The following SULT1E1 variants were observed in gnomAD, a reference collection of about 807,000 sequenced individuals.
SULT1E1 encodes the protein sulfotransferase family 1E member 1.
In SULT1E1, 36 loss-of-function variants were observed where a neutral mutation model predicts 33.6. The observed-to-expected ratio is 1.07, with a 90% CI of 0.82 to 1.41. The LOEUF (loss-of-function observed/expected upper bound fraction) is 1.41, where lower values mean the gene tolerates loss of function less well. SULT1E1 is among the 40% of genes most tolerant of loss of function. SULT1E1 has a pLI of 0.00. For synonymous variants in SULT1E1, 121 were observed against 111.7 expected, an observed-to-expected ratio of 1.08 and a Z score of -0.53; for missense variants, 371 against 345.7, an observed-to-expected ratio of 1.07 and a Z score of -0.58.
At chr4:69,825,692 C>T in the SULT1E1 span, among the ~76,000 whole-genome samples, 6 of 152,118 alleles carry the variant, frequency 3.9e-5, no homozygotes, top group Non-Finnish European at 8.8e-5. Flanking sequence ...AGAGGAAAGC[C>T]ATTCAGCTCC....
intron 3 of SULT1E1, among the ~76,000 whole-genome samples, chr4:69,855,079 A>G (rs1012210292): frequency 3.3e-5 from 5 of 152,048 alleles, no homozygotes; most frequent in East Asian, 1.9e-4. Context: ...TGCTGAAGGC[A>G]TACAAGAATT....
chr4:69,841,940 G>A lies in SULT1E1; in HGVS notation c.*54C>T. On this transcript the variant is annotated 3_prime_UTR_variant, in exon 8 of 8. Transcript: ENST00000226444. ...GCAATCTAAAATAAGAAAAAGTGGA[G>A]AATAATGAAAAGAAATCTTTAATAT... The A allele has an allele frequency of 1.1e-6, 1 of 934,718 alleles. No homozygotes were observed. Among genetic ancestry groups the A allele is most frequent in the Non-Finnish European group, 1.6e-6 (1 of 607,950 alleles). 57.9% of individuals were successfully genotyped at this position (934,718 alleles called of 1,614,324 possible). A position where few individuals can be genotyped will look rare whatever the true frequency, so the allele number is the denominator to read the frequency against.
intron 1 of SULT1E1, 65 bp from the exon 2 acceptor site, chr4:69,857,718 G>A (rs1721273505): frequency 2.7e-6 from 4 of 1,457,450 alleles, no homozygotes; most frequent in South Asian, 2.9e-5. Flanking sequence ...TAACAACTAT[G>A]TATATAACGG....
At chr4:69,823,097 T>A in the SULT1E1 span, among the ~76,000 whole-genome samples, 4 of 152,154 alleles carry the variant, frequency 2.6e-5, no homozygotes, top group Non-Finnish European at 5.9e-5. Context: ...GAATCTTTAT[T>A]GAGTGCACTC....
At chr4:69,823,819 C>T in the SULT1E1 span, among the ~76,000 whole-genome samples, 3 of 152,132 alleles carry the variant, frequency 2.0e-5, no homozygotes, top group African/African-American at 7.2e-5. Flanking sequence ...GACTGTGCCT[C>T]TACTACTGAG....
intron 4 of SULT1E1, among the ~76,000 whole-genome samples, chr4:69,851,221 C>G (rs889501152): frequency 6.6e-6 from 1 of 152,148 alleles, no homozygotes; most frequent in East Asian, 1.9e-4. Flanking sequence ...TTGCAATCTA[C>G]TTATCTGACA....
chr4:69,852,629 C>A (rs921461143), intron 4 of SULT1E1, among the ~76,000 whole-genome samples: 1 of 152,140 alleles, frequency 6.6e-6, no homozygotes, highest in Non-Finnish European at 1.5e-5. Context: ...TCTGCTCCAT[C>A]ATTCCAAATA....
chr4:69,830,210 G>A, the SULT1E1 span, among the ~76,000 whole-genome samples: 2 of 152,196 alleles, frequency 1.3e-5, no homozygotes, highest in Non-Finnish European at 2.9e-5. Context: ...AAGGGCTGCT[G>A]CCAGCAAATC....
the SULT1E1 span, among the ~76,000 whole-genome samples, chr4:69,834,983 T>G: frequency 5.3e-5 from 8 of 152,118 alleles, no homozygotes; most frequent in Admixed American, 1.3e-4. Context: ...TATCAAGAAG[T>G]CAAAAATTTT....
chr4:69,851,409 C>A (rs548017497), intron 4 of SULT1E1, among the ~76,000 whole-genome samples: 1 of 152,088 alleles, frequency 6.6e-6, no homozygotes, highest in Non-Finnish European at 1.5e-5. Context: ...AAATGCAAAT[C>A]AAAACCATAA....
chr4:69,857,388 G>T (rs1042091444), intron 2 of SULT1E1, 112 bp downstream of exon 2: 2 of 1,309,430 alleles, frequency 1.5e-6, no homozygotes, highest in Non-Finnish European at 2.1e-6. Context: ...CAAAACTACC[G>T]CATCTGTTCT....
At chr4:69,830,556 T>A in the SULT1E1 span, among the ~76,000 whole-genome samples, 1 of 152,228 alleles carries the variant, frequency 6.6e-6, no homozygotes, top group Non-Finnish European at 1.5e-5. Context: ...TTTTAGCCCA[T>A]GCAGGATTGC....
the SULT1E1 span, among the ~76,000 whole-genome samples, chr4:69,834,830 T>C: frequency 1.1e-4 from 17 of 152,134 alleles, no homozygotes; most frequent in African/African-American, 3.9e-4. Context: ...ATAAATATCT[T>C]GCAGTCACAG....
chr4:69,842,385 C>A (rs565940548), intron 7 of SULT1E1, among the ~76,000 whole-genome samples: 7 of 152,194 alleles, frequency 4.6e-5, no homozygotes, highest in East Asian at 1.9e-4. Flanking sequence ...GCTGTTGGGG[C>A]TCCCAGGATA....
chr4:69,848,095 TG>T (rs1278024255), intron 5 of SULT1E1, among the ~76,000 whole-genome samples: 1 of 148,764 alleles, frequency 6.7e-6, no homozygotes, highest in East Asian at 1.9e-4. Context: ...CTGGTGTGTG[TG>T]TGTGTGTGTG....
At chr4:69,827,522 C>T in the SULT1E1 span, among the ~76,000 whole-genome samples, 4 of 152,120 alleles carry the variant, frequency 2.6e-5, no homozygotes, top group African/African-American at 7.2e-5. Flanking sequence ...CTGCCTTCCT[C>T]AAGCAGCTAC....
intron 5 of SULT1E1, 33 bp downstream of exon 5, chr4:69,849,403 GA>G (rs755262338): frequency 7.5e-6 from 12 of 1,596,516 alleles, no homozygotes; most frequent in Middle Eastern, 1.7e-4. Flanking sequence ...ATAAAACCTT[GA>G]AAAAAAATTC....
downstream of SULT1E1, chr4:69,838,361 A>G (rs1305455605): frequency 2.0e-5 from 3 of 152,054 alleles, no homozygotes; most frequent in Admixed American, 2.0e-4. Flanking sequence ...ATTTTTAAAT[A>G]TTGGGCCAAA....
chr4:69,854,251 A>T lies in SULT1E1; in HGVS notation c.335T>A (p.Leu112His), dbSNP rs751266095. The change falls in exon 4 of 8, where the codon CTT (leucine) becomes CAT (histidine). Residue 112 changes from leucine (L) to histidine (H), a missense_variant. Coordinates refer to ENST00000226444, the MANE Select transcript of SULT1E1 (RefSeq NM_005420.3). ...CTTTTCCCAAAATGAGGCAGGAAGAAGTTCAGGTGGCAAATGAGTCTTCAC... is the reference window on the plus strand; with the variant it reads ...CTTTTCCCAAAATGAGGCAGGAAGATGTTCAGGTGGCAAATGAGTCTTCAC... Reference protein sequence around the residue: ...RIVKTHLPPELLPASFWEKDC... With the variant: ...RIVKTHLPPEHLPASFWEKDC... 6.2e-7 allele frequency: 1 copy of T among 1,612,158 alleles called. No homozygotes were observed. Among genetic ancestry groups the T allele is most frequent in the South Asian group, 1.1e-5 (1 of 90,830 alleles).
Sources: allele counts gnomAD v4.1 joint callset (sites outside exome capture counted in the v4.1 genomes callset), GRCh38; gene constraint gnomAD v4.1.1; transcripts MANE v1.5; gene names NCBI Gene and HGNC (gene_info 2026-07-23, HGNC 2026-07-21).